The following TRDN variants were observed in gnomAD, a reference collection of about 807,000 sequenced individuals.
TRDN encodes triadin, also known as triadin in skeletal muscle.
In TRDN, 161 loss-of-function variants were observed where a neutral mutation model predicts 149.7. The observed-to-expected ratio is 1.08, with a 90% CI of 0.95 to 1.23. The LOEUF (loss-of-function observed/expected upper bound fraction) is 1.23. TRDN is among the 50% of genes most tolerant of loss of function. The pLI is 0.00. For synonymous variants in TRDN, 294 were observed against 250.5 expected (o/e 1.17, Z -1.64); for missense variants, 896 against 823.5 (o/e 1.09, Z -1.08).
intron 23 of TRDN, among the ~76,000 whole-genome samples, chr6:123,325,457 T>C (rs80166504): frequency 0.06 from 9,104 of 152,230 alleles, 926 homozygotes; most frequent in African/African-American, 0.21. Context: ...CTGAAAGTTC[T>C]AATATTTCGT....
chr6:123,452,912 C>G (rs1258465639), intron 10 of TRDN, among the ~76,000 whole-genome samples: 1 of 152,040 alleles, frequency 6.6e-6, no homozygotes, highest in Non-Finnish European at 1.5e-5. Context: ...GCACATAGAT[C>G]AATGGAACAA....
At chr6:123,501,418 A>G (rs1778695762) in intron 8 of TRDN, among the ~76,000 whole-genome samples, 1 of 56,424 alleles carries the variant, frequency 1.8e-5, no homozygotes. Flanking sequence ...AGCTTAGTTG[A>G]GCTAACTCAA....
intron 38 of TRDN, among the ~76,000 whole-genome samples, chr6:123,245,063 C>G (rs998073390): frequency 1.3e-5 from 2 of 152,136 alleles, no homozygotes; most frequent in East Asian, 3.9e-4. Flanking sequence ...TTTGTCACCA[C>G]CAGGCCTGCC....
At chr6:123,222,280 T>C (rs1407177154) in intron 39 of TRDN, among the ~76,000 whole-genome samples, 1 of 151,618 alleles carries the variant, frequency 6.6e-6, no homozygotes, top group African/African-American at 2.4e-5. Flanking sequence ...AATTTTTCAA[T>C]TGGTTCTAGA....
chr6:123,398,348 G>A (rs1185795787), intron 12 of TRDN, among the ~76,000 whole-genome samples: 1 of 152,154 alleles, frequency 6.6e-6, no homozygotes, highest in Non-Finnish European at 1.5e-5. Context: ...ATATAGAAAA[G>A]TTGAATGGCT....
chr6:123,376,884 T>TAC lies in TRDN; in HGVS notation c.1246+830_1246+831dup, dbSNP rs144286586. ...TATTACATAAGGTTATGATCACCCATACACACACACACACACAATACTAAA... is the reference window on the plus strand; with the variant it reads ...TATTACATAAGGTTATGATCACCCATACACACACACACACACACAATACTAAA... On this transcript the variant is annotated intron_variant, in intron 18 of 40. Transcript: ENST00000334268. Among the ~76,000 whole-genome samples the TAC allele has an allele frequency of 9.1e-3, 1,376 of 150,608 alleles. 27 individuals carry two copies. Among genetic ancestry groups the TAC allele is most frequent in the East Asian group, 0.045 (233 of 5,134 alleles).
rs1322696029 is a variant in TRDN, at chr6:123,542,902, C to G, written c.424+4438G>C. On this transcript the variant is annotated intron_variant, in intron 4 of 40. Transcript: ENST00000334268. ...TGTGTGTGTGTCTGTCTGTCTGTCA[C>G]TGCGTCTGGCCCTGGTTTTAACTTT... 4.0e-5 allele frequency among the ~76,000 whole-genome samples: 6 copies of G among 150,378 alleles called. No homozygotes were observed. In the East Asian group the frequency reaches 1.2e-3, roughly 29 times the overall value.
rs1421891026 is a variant in TRDN at position 123,550,091 on chromosome 6, A to G, written c.233-1479T>C. 2.0e-5 allele frequency among the ~76,000 whole-genome samples: 3 copies of G among 152,186 alleles called. No individual in the cohort carries two copies. The East Asian group carries it at 5.8e-4, about 29-fold the overall frequency. ...ATTTGTGTAATGCAACATGATTTAC[A>G]AAAGAGAAGCTCTAACTGAAAACAG... On this transcript the variant is annotated intron_variant, in intron 2 of 40. Transcript: ENST00000334268.
intron 1 of TRDN, among the ~76,000 whole-genome samples, chr6:123,596,344 T>C (rs564717371): frequency 6.6e-6 from 1 of 152,120 alleles, no homozygotes; most frequent in South Asian, 2.1e-4. Flanking sequence ...TTATGAGATT[T>C]AGTGAAATAA....
intron 31 of TRDN, among the ~76,000 whole-genome samples, chr6:123,268,075 T>A (rs1777075793): frequency 6.6e-6 from 1 of 152,128 alleles, no homozygotes; most frequent in African/African-American, 2.4e-5. Context: ...TGCTGAAAGT[T>A]GAATCATTCT....
At chr6:123,465,254 T>C (rs1228736865) in intron 9 of TRDN, among the ~76,000 whole-genome samples, 1 of 152,170 alleles carries the variant, frequency 6.6e-6, no homozygotes, top group Non-Finnish European at 1.5e-5. Context: ...ACTTCATTAA[T>C]GGAAAATGTA....
intron 24 of TRDN, among the ~76,000 whole-genome samples, chr6:123,304,034 A>C (rs1408017270): frequency 6.6e-6 from 1 of 152,016 alleles, no homozygotes; most frequent in Non-Finnish European, 1.5e-5. Context: ...GTTGTAAATG[A>C]CTCAGAAGTT....
At chr6:123,360,889 G>C (rs1223985365) in intron 20 of TRDN, among the ~76,000 whole-genome samples, 1 of 152,132 alleles carries the variant, frequency 6.6e-6, no homozygotes, top group African/African-American at 2.4e-5. Context: ...GGAAAAACTG[G>C]AGAAACTGGT....
At chr6:123,292,067 G>A (rs1778028957) in intron 24 of TRDN, among the ~76,000 whole-genome samples, 1 of 145,330 alleles carries the variant, frequency 6.9e-6, no homozygotes, top group Non-Finnish European at 1.5e-5. Context: ...GGAATTTTGG[G>A]GCTAGTGGGT....
At position 123,465,009 on chromosome 6, in the gene TRDN, G is replaced by GA. The variant is rs374707147; in HGVS notation, c.854-27dup. 1.4e-3 allele frequency: 2,058 copies of GA among 1,419,604 alleles called. 1 individual carries two copies. The highest frequency in any genetic ancestry group is 3.8e-3 in the South Asian group (269 of 71,054). The allele number at this position is 1,419,604 out of a possible 1,614,324, so 87.9% of individuals were successfully genotyped here. A position where few individuals can be genotyped will look rare whatever the true frequency, so the allele number is the denominator to read the frequency against. ...CTACACAATGTAGAAGTAGGAATTGGAAAAAAAAAAGTATTAACAAATCTA... is the reference window on the plus strand; with the variant it reads ...CTACACAATGTAGAAGTAGGAATTGGAAAAAAAAAAAGTATTAACAAATCTA... On this transcript the variant is annotated intron_variant, in intron 9 of 40. Transcript: ENST00000334268.
At chr6:123,287,302 C>G (rs372865906) in intron 24 of TRDN, among the ~76,000 whole-genome samples, 6 of 152,234 alleles carry the variant, frequency 3.9e-5, no homozygotes, top group African/African-American at 1.2e-4. Flanking sequence ...TCTAAGCCTA[C>G]GTACTCCCTA....
rs143641983 is a variant in TRDN, at chr6:123,278,009, T to C, written c.1567+309A>G. 7.0e-4 allele frequency among the ~76,000 whole-genome samples: 106 copies of C among 152,296 alleles called. 1 individual carries two copies. The highest frequency in any genetic ancestry group is 5.0e-3 in the South Asian group (24 of 4,826). On this transcript the variant is annotated intron_variant, in intron 26 of 40. Transcript: ENST00000334268. ...CAAAAGAGAGAAGGATGAGAGCAGA[T>C]GTTTTGCTGATTGAATGTCTGTGTC...
chr6:123,413,926 TTAAGAGTTATCCATTAC>T (rs1347606844), intron 12 of TRDN, among the ~76,000 whole-genome samples: 1 of 152,042 alleles, frequency 6.6e-6, no homozygotes, highest in Admixed American at 6.6e-5. Flanking sequence ...CTCTACCAGA[TTAAGAGTTATCCATTAC>T]TAAGTGTTGG....
intron 38 of TRDN, among the ~76,000 whole-genome samples, chr6:123,250,016 A>G (rs1388252052): frequency 6.6e-6 from 1 of 152,154 alleles, no homozygotes; most frequent in African/African-American, 2.4e-5. Flanking sequence ...AGAATACAAA[A>G]TCAACATAAA....
Sources: gnomAD v4.1 joint callset for allele counts (sites outside exome capture counted in the v4.1 genomes callset) on GRCh38, gnomAD v4.1.1 for gene constraint, MANE v1.5 for transcripts, NCBI Gene and HGNC (gene_info 2026-07-23, HGNC 2026-07-21) for gene names.